The following WASHC4 variants were observed in gnomAD, a reference collection of about 807,000 sequenced individuals.
WASHC4 encodes WASH complex subunit 7.
WASHC4 carries 86 observed loss-of-function variants against 166.6 expected under a neutral mutation model. The observed-to-expected ratio is 0.52, with a 90% CI of 0.43 to 0.62. The LOEUF (loss-of-function observed/expected upper bound fraction) is 0.62, where lower values mean the gene tolerates loss of function less well. WASHC4 is among the 20% of genes least tolerant of loss of function. The pLI is 0.00. For missense variants in WASHC4, 1,262 were observed against 1,382.4 expected (o/e 0.91, Z 1.38); for synonymous variants, 446 against 451.6 (o/e 0.99, Z 0.16).
intron 13 of WASHC4, among the ~76,000 whole-genome samples, chr12:105,132,999 C>T (rs1375323376): frequency 6.6e-6 from 1 of 152,046 alleles, no homozygotes; most frequent in African/African-American, 2.4e-5. Flanking sequence ...TTACCATTGC[C>T]TCCTCTGTAG....
rs940385162 is a variant in WASHC4, at chr12:105,147,461, A to G, written c.2514+315A>G. 1.9e-5 allele frequency: 7 copies of G among 365,836 alleles called. No homozygotes were observed. In the Middle Eastern group the frequency reaches 2.2e-3, roughly 113 times the overall value. The allele number at this position is 365,836 out of a possible 1,614,324, so 22.7% of individuals were successfully genotyped here. A position where few individuals can be genotyped will look rare whatever the true frequency, so the allele number is the denominator to read the frequency against. On this transcript the variant is annotated intron_variant, in intron 24 of 32. Coordinates refer to ENST00000332180, the MANE Select transcript of WASHC4 (RefSeq NM_015275.3). The stretch of plus-strand genomic sequence containing the variant: ...CATATATATATGTTTATCTGTGTTG[A>G]TCTGTGATCCCTGAAAGTTTACTTT...
chr12:105,135,701 A>G (rs533969344), intron 14 of WASHC4, among the ~76,000 whole-genome samples: 5 of 92,776 alleles, frequency 5.4e-5, no homozygotes, highest in African/African-American at 1.7e-4. Context: ...TAATCAATTC[A>G]TCTACTGAGT....
At chr12:105,162,160 C>G (rs972288427) in intron 29 of WASHC4, among the ~76,000 whole-genome samples, 1 of 152,080 alleles carries the variant, frequency 6.6e-6, no homozygotes, top group African/African-American at 2.4e-5. Flanking sequence ...ATATTGTAAG[C>G]TTCAGTAAAT....
At chr12:105,155,292 G>A (rs1454554127) in intron 26 of WASHC4, 4 of 152,448 alleles carry the variant, frequency 2.6e-5, no homozygotes, top group Non-Finnish European at 4.4e-5. Context: ...AACAGGAGGT[G>A]ACATTTGAGC....
chr12:105,136,709 C>G (rs1882356412), intron 14 of WASHC4, among the ~76,000 whole-genome samples: 1 of 152,096 alleles, frequency 6.6e-6, no homozygotes, highest in Non-Finnish European at 1.5e-5. Context: ...AGAGTAGGGT[C>G]TGATGTAATA....
At chr12:105,132,586 A>C (rs1881940634) in intron 13 of WASHC4, among the ~76,000 whole-genome samples, 1 of 152,186 alleles carries the variant, frequency 6.6e-6, no homozygotes, top group South Asian at 2.1e-4. Context: ...TAGTATTTGT[A>C]ATCATCCCGA....
At chr12:105,149,069 A>AT (rs1350029043) in intron 24 of WASHC4, 29 of 983,312 alleles carry the variant, frequency 2.9e-5, no homozygotes, top group Non-Finnish European at 3.3e-5. Context: ...GTTCTAGAAT[A>AT]TAAACTTCGT....
In WASHC4 at chr12:105,162,757, C is replaced by T. The variant is rs531064263; in HGVS notation, c.3069C>T (p.Asn1023=). 1.9e-6 allele frequency: 3 copies of T among 1,571,862 alleles called. No homozygotes were observed. In the East Asian group the frequency reaches 6.7e-5, roughly 35 times the overall value. The change falls in exon 30 of 33, where the codon AAC becomes AAT. Residue 1023 remains asparagine, a synonymous_variant. Coordinates refer to ENST00000332180, the MANE Select transcript of WASHC4 (RefSeq NM_015275.3). ...FYIIVPPLTL[N]FVEHSISCKE... ...TTGTTACATCTTTTTAGACCCTCAA[C>T]TTTGTAGAGCATTCCATTAGTTGCA...
rs754418421 is a variant in WASHC4 at position 105,147,025 on chromosome 12, A to C, written c.2410-17A>C. The C allele has an allele frequency of 2.1e-6, 3 of 1,459,962 alleles. No homozygotes were observed. Among genetic ancestry groups the C allele is most frequent in the African/African-American group, 1.4e-5 (1 of 71,798 alleles). 90.4% of individuals were successfully genotyped at this position (1,459,962 alleles called of 1,614,324 possible). On this transcript the variant is annotated splice_polypyrimidine_tract_variant and intron_variant, in intron 23 of 32. Transcript: ENST00000332180. Reference sequence around the variant, plus strand: ...ATGGGTTGCGTTGTTACTGAGCATAAATTTGTTTCATTGCAGATTTTTATT... The same window carrying C: ...ATGGGTTGCGTTGTTACTGAGCATACATTTGTTTCATTGCAGATTTTTATT...
chr12:105,113,784 C>T (rs575203547), intron 2 of WASHC4, among the ~76,000 whole-genome samples: 26 of 152,100 alleles, frequency 1.7e-4, no homozygotes, highest in African/African-American at 6.3e-4. Flanking sequence ...TGGATTTATA[C>T]AAGAAAAGAT....
chr12:105,148,843 T>A, intron 24 of WASHC4: 1 of 985,344 alleles, frequency 1.0e-6, no homozygotes, highest in Non-Finnish European at 1.2e-6. Context: ...AGGTTGGAAT[T>A]AATCTTTTGC....
At chr12:105,115,046 CAG>C in intron 4 of WASHC4, 136 bp from the exon 5 acceptor site, 1 of 581,036 alleles carries the variant, frequency 1.7e-6, no homozygotes, top group Non-Finnish European at 3.1e-6. Flanking sequence ...GCTTTATAAA[CAG>C]ATTTTGAATT....
chr12:105,107,756 C>T lies in WASHC4; in HGVS notation c.-45C>T, dbSNP rs1030975131. The T allele has an allele frequency of 2.7e-6, 4 of 1,463,858 alleles. No homozygotes were observed. The highest frequency in any genetic ancestry group is 3.7e-6 in the Non-Finnish European group (4 of 1,070,506). The allele number at this position is 1,463,858 out of a possible 1,614,324, so 90.7% of individuals were successfully genotyped here. A position where few individuals can be genotyped will look rare whatever the true frequency, so the allele number is the denominator to read the frequency against. On this transcript the variant is annotated 5_prime_UTR_variant, in exon 1 of 33. Transcript: ENST00000332180. ...AGTAGCTGGGGTGAGGCCGTCGTCG[C>T]CGCACGGGCTGGTTGGGGCTGTGTC...
At chr12:105,155,512 AG>A (rs11339976) in intron 26 of WASHC4, among the ~76,000 whole-genome samples, 152,176 of 152,176 alleles carry the variant, frequency 1, 76,088 homozygotes, top group Non-Finnish European at 1. Context: ...TTGATTACTG[AG>A]GGTGGAAAGC....
At chr12:105,152,566 T>A in intron 26 of WASHC4, 115 bp downstream of exon 26, 1 of 708,550 alleles carries the variant, frequency 1.4e-6, no homozygotes, top group South Asian at 1.6e-5. Context: ...TCAGCTTTAC[T>A]CCACTCATGT....
At chr12:105,134,233 T>G (rs1882111039) in intron 14 of WASHC4, among the ~76,000 whole-genome samples, 1 of 152,172 alleles carries the variant, frequency 6.6e-6, no homozygotes, top group South Asian at 2.1e-4. Flanking sequence ...TTTCTAGTTA[T>G]TTTATTATTG....
At chr12:105,131,726 G>A (rs1881841458) in intron 13 of WASHC4, among the ~76,000 whole-genome samples, 1 of 152,136 alleles carries the variant, frequency 6.6e-6, no homozygotes, top group Admixed American at 6.5e-5. Context: ...TTTAAAAAAG[G>A]ACCAGGCTTT....
chr12:105,131,064 ATATTTATT>A (rs1409616043), intron 13 of WASHC4, among the ~76,000 whole-genome samples: 1 of 147,950 alleles, frequency 6.8e-6, no homozygotes, highest in Admixed American at 6.7e-5. Flanking sequence ...TTGTTTTTAT[ATATTTATT>A]TATTTATTTA....
intron 9 of WASHC4, among the ~76,000 whole-genome samples, 197 bp downstream of exon 9, chr12:105,121,401 A>G (rs1880729429): frequency 6.6e-6 from 1 of 152,318 alleles, no homozygotes; most frequent in East Asian, 1.9e-4. Flanking sequence ...GACGAGTATA[A>G]TACATCTGTA....
Sources: allele counts gnomAD v4.1 joint callset (sites outside exome capture counted in the v4.1 genomes callset), GRCh38; gene constraint gnomAD v4.1.1; transcripts MANE v1.5; gene names NCBI Gene and HGNC (gene_info 2026-07-23, HGNC 2026-07-21).